The following PKD1 variants were observed in gnomAD, a reference collection of about 807,000 sequenced individuals.
PKD1 encodes polycystin-1.
In PKD1, 81 loss-of-function variants were observed where a neutral mutation model predicts 361.7. The ratio of observed to expected loss-of-function variants is 0.22; its 90% CI spans 0.19 to 0.27. The LOEUF is 0.27. Among genes scored for constraint, PKD1 ranks in the 10% least tolerant of loss-of-function variants. The pLI is 1.00. For missense variants in PKD1, 6,399 were observed against 6,118.3 expected, an observed-to-expected ratio of 1.05 and a Z score of -1.53; for synonymous variants, 3,615 against 2,818.3, an observed-to-expected ratio of 1.28 and a Z score of -8.95.
Position 2,114,476 on chromosome 16 carries a change from C to T in PKD1, c.2547G>A (p.Val849=), listed in dbSNP as rs1171348210. 1.3e-6 allele frequency: 2 copies of T among 1,596,852 alleles called. No individual in the cohort carries two copies. Among genetic ancestry groups the T allele is most frequent in the Non-Finnish European group, 1.7e-6 (2 of 1,179,414 alleles). ...TGGCCGTGGCGTTGGCACCAGAGTC[C>T]ACCTGGAGCACCAAGGCTGAGCCGT... ...PTNGSALVLQ[V]DSGANATATA... The change falls in exon 11 of 46, where the codon GTG becomes GTA. Residue 849 remains valine (V), a synonymous_variant. Transcript: ENST00000262304.
intron 20 of PKD1, 51 bp downstream of exon 20, chr16:2,105,814 T>C: frequency 6.4e-7 from 1 of 1,563,146 alleles, no homozygotes; most frequent in Non-Finnish European, 8.7e-7. Context: ...CAGGTCTTGG[T>C]CCCAAGCACG....
rs146363575 is a variant in PKD1, at chr16:2,106,189, G to A, written c.7605C>T (p.Tyr2535=). 8.5e-5 allele frequency: 137 copies of A among 1,609,920 alleles called. No homozygotes were observed. The highest frequency in any genetic ancestry group is 6.7e-4 in the Middle Eastern group (3 of 4,450). The part of the protein sequence containing the change: ...FCVYKGSLSS[Y]GAVLPPGFRP... ...TGAAACCCGGGGGCAGCACGGCTCCGTAGCTGGAGAGGCTGCCCTTGTAGA... is the reference window on the plus strand; with the variant it reads ...TGAAACCCGGGGGCAGCACGGCTCCATAGCTGGAGAGGCTGCCCTTGTAGA... The change falls in exon 19 of 46, where the codon TAC becomes TAT. Residue 2535 remains tyrosine (Y), a synonymous_variant. Coordinates refer to ENST00000262304, the MANE Select transcript of PKD1 (RefSeq NM_001009944.3). The surrounding 1 kb of genome is among the most constrained non-coding windows in gnomAD (Gnocchi z 6.5).
intron 34 of PKD1, chr16:2,095,065 A>C (rs963544591): frequency 2.0e-5 from 3 of 152,242 alleles, no homozygotes; most frequent in Non-Finnish European, 4.4e-5. Context: ...ACTTGAGCTC[A>C]GGAGTTGGAG....
chr16:2,091,821 G>T lies in PKD1; in HGVS notation c.11497C>A (p.Arg3833=), dbSNP rs747172136. ...LGLSLEESRD[R]LRFLQLHNWL... ...TTGTGCAGCTGCAGGAAGCGCAGCC[G>T]GTCGCGGCTCTCCTCCAGGCTCAGG... The change falls in exon 41 of 46, where the codon CGG becomes AGG. Residue 3833 remains arginine, a synonymous_variant. Transcript: ENST00000262304. 2 of 1,610,180 alleles carry T rather than the reference G, an allele frequency of 1.2e-6. No homozygotes were observed. The highest frequency in any genetic ancestry group is 1.7e-6 in the Non-Finnish European group (2 of 1,179,162).
In PKD1 at chr16:2,091,572, T is replaced by C; in HGVS notation, c.11563A>G (p.Thr3855Ala). Reference sequence around the variant, plus strand: ...AGCCCCACGGCCGGGCTGTAGCGCGTGAGCTCCAGGAACACAGCGCGGCTC... The same window carrying C: ...AGCCCCACGGCCGGGCTGTAGCGCGCGAGCTCCAGGAACACAGCGCGGCTC... ...NRSRAVFLEL[T>A]RYSPAVGLHA... The change falls in exon 42 of 46, where the codon ACG (threonine) becomes GCG (alanine). Residue 3855 changes from threonine (T) to alanine (A), a missense_variant. Thr to Ala is a moderately conservative substitution (Grantham distance 58). Coordinates refer to ENST00000262304, the MANE Select transcript of PKD1 (RefSeq NM_001009944.3). The C allele has an allele frequency of 6.5e-7, 1 of 1,549,340 alleles. No homozygotes were observed. Among genetic ancestry groups the C allele is most frequent in the Non-Finnish European group, 8.6e-7 (1 of 1,157,752 alleles).
chr16:2,105,015 G>A, intron 21 of PKD1, among the ~76,000 whole-genome samples: 1 of 114,764 alleles, frequency 8.7e-6, no homozygotes, highest in East Asian at 2.7e-4. Flanking sequence ...AGGAGGGGAG[G>A]GGCTAGGGGA....
Position 2,089,419 on chromosome 16 carries a change from G to A in PKD1, c.*308C>T, listed in dbSNP as rs925181097. On this transcript the variant is annotated 3_prime_UTR_variant, in exon 46 of 46. Coordinates refer to ENST00000262304, the MANE Select transcript of PKD1 (RefSeq NM_001009944.3). ...CTTAGCAGTGGGGGACATCTGCCCA[G>A]GGGGTGGGGCCGGGCACAGCCCGCT... The A allele has an allele frequency of 2.1e-6, 1 of 469,290 alleles. No individual in the cohort carries two copies. The highest frequency in any genetic ancestry group is 2.0e-5 in the African/African-American group (1 of 51,076). 29.1% of individuals were successfully genotyped at this position (469,290 alleles called of 1,614,324 possible).
chr16:2,108,905 G>T lies in PKD1; in HGVS notation c.6262C>A (p.Arg2088=). ...QFEAATSPSP[R]RVAYHWDFGD... ...AAGTCCCAGTGGTAGGCCACACGCC[G>T]GGGGCTGGGGCTGGTGGCGGCCTCA... is the stretch of plus-strand genomic sequence containing the variant. Residue 2088 remains arginine (R), a synonymous_variant, in exon 15 of 46, where the codon CGG becomes AGG. Transcript: ENST00000262304. 1.3e-6 allele frequency: 2 copies of T among 1,584,576 alleles called. No homozygotes were observed. Among genetic ancestry groups the T allele is most frequent in the African/African-American group, 1.3e-5 (1 of 74,260 alleles).
intron 39 of PKD1, 64 bp downstream of exon 39, chr16:2,092,416 G>T: frequency 8.4e-7 from 1 of 1,197,352 alleles, no homozygotes; most frequent in Non-Finnish European, 1.2e-6. Flanking sequence ...CCAGAGCTCC[G>T]CTAAAGGCTG....
At position 2,114,386 on chromosome 16, in the gene PKD1, G is replaced by A; in HGVS notation, c.2637C>T (p.Ala879=). 1 of 1,608,402 alleles carries A rather than the reference G, an allele frequency of 6.2e-7. No individual in the cohort carries two copies. Among genetic ancestry groups the A allele is most frequent in the Non-Finnish European group, 8.5e-7 (1 of 1,179,606 alleles). The change falls in exon 11 of 46, where the codon GCC becomes GCT. Residue 879 remains alanine (A), a synonymous_variant. Coordinates refer to ENST00000262304, the MANE Select transcript of PKD1 (RefSeq NM_001009944.3). ...CCCAGGGGCAGCCGGGCACGAAGGTGGCCACCAGGGCAGGGCAGACATTCT... is the reference window on the plus strand; with the variant it reads ...CCCAGGGGCAGCCGGGCACGAAGGTAGCCACCAGGGCAGGGCAGACATTCT... ...RFENVCPALV[A]TFVPGCPWET...
chr16:2,090,867 A>G lies in PKD1; in HGVS notation c.12003+17T>C. The G allele has an allele frequency of 6.2e-7, 1 of 1,606,772 alleles. No homozygotes were observed. The highest frequency in any genetic ancestry group is 1.7e-5 in the Admixed American group (1 of 59,938). On this transcript the variant is annotated intron_variant, in intron 43 of 45. Transcript: ENST00000262304. ...GGGGTGTGCGCCCAGCCCCGCGCCC[A>G]CCGGCCCAGCCCTCACCTTGACCAA...
In PKD1 at chr16:2,106,381, C is replaced by A. The variant is rs2082952; in HGVS notation, c.7489+17G>T. 5 of 1,593,092 alleles carry A rather than the reference C, an allele frequency of 3.1e-6. No homozygotes were observed. The highest frequency in any genetic ancestry group is 1.3e-5 in the African/African-American group (1 of 74,480). On this transcript the variant is annotated intron_variant, in intron 18 of 45. Coordinates refer to ENST00000262304, the MANE Select transcript of PKD1 (RefSeq NM_001009944.3). The surrounding 1 kb of genome is among the most constrained non-coding windows in gnomAD (Gnocchi z 6.5). ...TCGGGGGATCCCGCTGCTCCCCCCA[C>A]GCAGGCCTGCACTCACCCGTGCATT...
At chr16:2,127,181 C>T (rs906888938) in intron 1 of PKD1, among the ~76,000 whole-genome samples, 5 of 152,240 alleles carry the variant, frequency 3.3e-5, no homozygotes, top group Non-Finnish European at 7.3e-5. Context: ...AAGAATGCAG[C>T]GGGGTCCGCA....
rs2092658551 is a variant in PKD1, at chr16:2,117,477, G to A, written c.1385+12C>T. 2.1e-6 allele frequency: 3 copies of A among 1,463,242 alleles called. No homozygotes were observed. Among genetic ancestry groups the A allele is most frequent in the Middle Eastern group, 2.4e-4 (1 of 4,148 alleles). The allele number at this position is 1,463,242 out of a possible 1,614,324, so 90.6% of individuals were successfully genotyped here. On this transcript the variant is annotated intron_variant, in intron 6 of 45. Transcript: ENST00000262304. ...CCCAACCTATGGCCCCTCGGGGGGTGGGGGCAGGCACCTGGTGACCCGGGA... is the reference window on the plus strand; with the variant it reads ...CCCAACCTATGGCCCCTCGGGGGGTAGGGGCAGGCACCTGGTGACCCGGGA...
rs747362311 is a variant in PKD1 at position 2,111,212 on chromosome 16, C to T, written c.3955G>A (p.Gly1319Arg). ...TCGAAGAGGTAGTGGGCCGGGTTCC[C>T]GGTGACGTAGGCCGTGAGCCGCGCG... ...PDARLTAYVT[G>R]NPAHYLFDWT... Residue 1319 changes from glycine (G) to arginine (R), a missense_variant, in exon 15 of 46, where the codon GGG (glycine) becomes AGG (arginine). Transcript: ENST00000262304. 5 of 1,611,248 alleles carry T rather than the reference C, an allele frequency of 3.1e-6. No homozygotes were observed. Among genetic ancestry groups the T allele is most frequent in the South Asian group, 1.1e-5 (1 of 91,022 alleles).
intron 1 of PKD1, among the ~76,000 whole-genome samples, chr16:2,124,249 T>A (rs1000173053): frequency 2.0e-5 from 3 of 152,216 alleles, no homozygotes; most frequent in East Asian, 1.9e-4. Context: ...CCGAGGTAGC[T>A]GACACGTGTC....
rs762285762 is a variant in PKD1 at position 2,094,159 on chromosome 16, C to CTGG, written c.10550_10551insCCA (p.Gly3517_Glu3518insGln). The CTGG allele has an allele frequency of 4.1e-5, 66 of 1,603,352 alleles. No homozygotes were observed. The highest frequency in any genetic ancestry group is 5.1e-5 in the Non-Finnish European group (60 of 1,175,048). On this transcript the variant is annotated inframe_insertion, in exon 35 of 46. Coordinates refer to ENST00000262304, the MANE Select transcript of PKD1 (RefSeq NM_001009944.3). ...GGCCTGGGCTGGGTGGCCCCAGCTC[C>CTGG]CCCAGCCTCTGCAGCGCCAGCGTCT... is the stretch of plus-strand genomic sequence containing the variant.
Position 2,090,654 on chromosome 16 carries a change from C to G in PKD1, c.12138+20G>C. On this transcript the variant is annotated intron_variant, in intron 44 of 45. Transcript: ENST00000262304. ...GCTGAGCTGAGCTAAGACGCCCTCC[C>G]CGGCCGCGCAGTCACCTACCAGGAT... The G allele has an allele frequency of 1.2e-6, 2 of 1,611,190 alleles. No individual in the cohort carries two copies. Among genetic ancestry groups the G allele is most frequent in the Non-Finnish European group, 1.7e-6 (2 of 1,179,792 alleles).
intron 26 of PKD1, among the ~76,000 whole-genome samples, chr16:2,101,071 C>T (rs1400980588): frequency 5.9e-5 from 9 of 152,142 alleles, no homozygotes; most frequent in Non-Finnish European, 8.8e-5. Flanking sequence ...CTGCAAGCTC[C>T]GCCTCCCGGG....
Sources: gnomAD v4.1 joint callset for allele counts (sites outside exome capture counted in the v4.1 genomes callset) on GRCh38, gnomAD v4.1.1 for gene constraint, Gnocchi (gnomAD v3.1) non-coding constraint, MANE v1.5 for transcripts, NCBI Gene and HGNC (gene_info 2026-07-23, HGNC 2026-07-21) for gene names.